The following CPXM2 variants were observed in gnomAD, a reference collection of about 807,000 sequenced individuals.
CPXM2 encodes the protein inactive carboxypeptidase-like protein X2.
Under a neutral mutation model 86.1 loss-of-function variants are expected in CPXM2, and 66 were observed. The ratio of observed to expected loss-of-function variants is 0.77; its 90% CI spans 0.63 to 0.94. The LOEUF (loss-of-function observed/expected upper bound fraction) is 0.94. CPXM2 is among the 40% of genes least tolerant of loss of function. CPXM2 has a pLI of 0.00. For synonymous variants in CPXM2, 388 were observed against 400.2 expected (o/e 0.97, Z 0.36); for missense variants, 948 against 1,026.3 (o/e 0.92, Z 1.04).
intron 4 of CPXM2, among the ~76,000 whole-genome samples, chr10:123,810,616 C>T (rs56735552): frequency 0.028 from 4,327 of 152,090 alleles, 197 homozygotes; most frequent in African/African-American, 0.099. Flanking sequence ...GGTACTTACA[C>T]TTACAAATAA....
chr10:123,898,239 C>T (rs897138613), intron 2 of CPXM2, among the ~76,000 whole-genome samples: 10 of 152,056 alleles, frequency 6.6e-5, no homozygotes, highest in Non-Finnish European at 1.3e-4. Flanking sequence ...AATAGAGAAC[C>T]TGAACAGACC....
chr10:123,866,030 A>G (rs1274948975), intron 2 of CPXM2, among the ~76,000 whole-genome samples: 3 of 151,762 alleles, frequency 2.0e-5, no homozygotes, highest in Non-Finnish European at 4.4e-5. Context: ...TTTCCATCAC[A>G]CAATGTTCTG....
intron 6 of CPXM2, among the ~76,000 whole-genome samples, chr10:123,781,703 C>A (rs186674967): frequency 6.6e-6 from 1 of 152,182 alleles, no homozygotes; most frequent in African/African-American, 2.4e-5. Flanking sequence ...GTCCACAGAC[C>A]AGTAGCATTG....
At chr10:123,870,560 A>G (rs77003248) in intron 2 of CPXM2, among the ~76,000 whole-genome samples, 6,175 of 152,296 alleles carry the variant, frequency 0.041, 172 homozygotes, top group East Asian at 0.11. Context: ...GCTTCCCAGC[A>G]CACTGAAAAT....
intron 4 of CPXM2, among the ~76,000 whole-genome samples, chr10:123,800,981 C>T (rs1482943363): frequency 2.0e-5 from 3 of 152,192 alleles, no homozygotes; most frequent in Admixed American, 6.5e-5. Flanking sequence ...TACACTCTGA[C>T]GTGACAGTCC....
chr10:123,846,841 G>C (rs549903744), intron 3 of CPXM2, among the ~76,000 whole-genome samples: 11 of 152,180 alleles, frequency 7.2e-5, no homozygotes, highest in African/African-American at 2.7e-4. Context: ...AGATGTGGCT[G>C]CATAAAAAAT....
intron 13 of CPXM2, among the ~76,000 whole-genome samples, chr10:123,749,545 C>T (rs151054967): frequency 9.9e-5 from 15 of 152,270 alleles, no homozygotes; most frequent in Admixed American, 2.6e-4. Context: ...GGCCACATGG[C>T]GATGAAATCC....
chr10:123,809,383 CA>C (rs1847643791), intron 4 of CPXM2, among the ~76,000 whole-genome samples: 1 of 151,890 alleles, frequency 6.6e-6, no homozygotes, highest in Non-Finnish European at 1.5e-5. Context: ...TTGTGAAGAA[CA>C]AAAAAGAAAT....
chr10:123,748,536 T>G (rs1345603872), intron 13 of CPXM2, among the ~76,000 whole-genome samples: 1 of 152,014 alleles, frequency 6.6e-6, no homozygotes, highest in Non-Finnish European at 1.5e-5. Context: ...GGAAATGAAA[T>G]GTGGAGGCAG....
upstream of CPXM2, among the ~76,000 whole-genome samples, chr10:123,943,134 A>G (rs9733668): frequency 0.84 from 127,067 of 152,146 alleles, 53,636 homozygotes; most frequent in East Asian, 0.98. Flanking sequence ...TTCTCAAAAC[A>G]TATCCCATAG....
chr10:123,754,846 C>CT lies in CPXM2; in HGVS notation c.1918-85_1918-84insA. 1.3e-6 allele frequency: 1 copy of CT among 779,918 alleles called. No individual in the cohort carries two copies. The highest frequency in any genetic ancestry group is 2.3e-6 in the Non-Finnish European group (1 of 435,290). 48.3% of individuals were successfully genotyped at this position (779,918 alleles called of 1,614,324 possible). Reference sequence around the variant, plus strand: ...CACAACAGAGTGGGCTGTCAACCCACCATTGGCCGGTTCCCACCAAGAACT... The same window carrying CT: ...CACAACAGAGTGGGCTGTCAACCCACTCATTGGCCGGTTCCCACCAAGAACT... On this transcript the variant is annotated intron_variant, in intron 12 of 13. Coordinates refer to ENST00000241305, the MANE Select transcript of CPXM2 (RefSeq NM_198148.3). The surrounding 1 kb of genome is among the most constrained non-coding windows in gnomAD (Gnocchi z 4.0).
At position 123,754,849 on chromosome 10, in the gene CPXM2, T is replaced by C. The variant is rs1171440162; in HGVS notation, c.1918-87A>G. On this transcript the variant is annotated intron_variant, in intron 12 of 13. Coordinates refer to ENST00000241305, the MANE Select transcript of CPXM2 (RefSeq NM_198148.3). This position sits in a 1 kb window ranked among gnomAD's most constrained non-coding sequence, Gnocchi z 4.0. ...AACAGAGTGGGCTGTCAACCCACCA[T>C]TGGCCGGTTCCCACCAAGAACTCAC... The C allele has an allele frequency of 5.2e-6, 4 of 771,940 alleles. No individual in the cohort carries two copies. The highest frequency in any genetic ancestry group is 1.5e-5 in the South Asian group (1 of 68,280). 47.8% of individuals were successfully genotyped at this position (771,940 alleles called of 1,614,324 possible).
chr10:123,892,099 G>A (rs1353610060), upstream of CPXM2: 1 of 152,298 alleles, frequency 6.6e-6, no homozygotes, highest in Non-Finnish European at 1.5e-5. Flanking sequence ...TTTACAGGTG[G>A]AGAAACGTGA....
intron 13 of CPXM2, among the ~76,000 whole-genome samples, chr10:123,748,765 G>A (rs867251277): frequency 7.9e-5 from 12 of 151,990 alleles, no homozygotes; most frequent in Admixed American, 3.3e-4. Context: ...CAGGTGACTC[G>A]AGCCTCGCAG....
chr10:123,821,114 G>C (rs969137310), intron 4 of CPXM2, among the ~76,000 whole-genome samples: 2 of 152,078 alleles, frequency 1.3e-5, no homozygotes, highest in Admixed American at 1.3e-4. Flanking sequence ...GTCCCAACAG[G>C]ACAAAACAAT....
At chr10:123,911,213 T>G (rs963837116) in intron 2 of CPXM2, among the ~76,000 whole-genome samples, 1 of 152,226 alleles carries the variant, frequency 6.6e-6, no homozygotes. Flanking sequence ...TTGATCTATC[T>G]AGTTTTGTGA....
chr10:123,941,751 G>C (rs1170460675), upstream of CPXM2, among the ~76,000 whole-genome samples: 1 of 152,198 alleles, frequency 6.6e-6, no homozygotes, highest in African/African-American at 2.4e-5. Context: ...GCCTTTGGGG[G>C]TGCTTTGAAG....
chr10:123,802,031 T>C (rs1991398), intron 4 of CPXM2, among the ~76,000 whole-genome samples: 2 of 152,142 alleles, frequency 1.3e-5, no homozygotes, highest in African/African-American at 4.8e-5. Flanking sequence ...CGTATAAGCA[T>C]CTCACAGATG....
intron 1 of CPXM2, among the ~76,000 whole-genome samples, chr10:123,882,382 G>A (rs1355931524): frequency 6.6e-6 from 1 of 152,174 alleles, no homozygotes; most frequent in Non-Finnish European, 1.5e-5. Flanking sequence ...TCTGTGGGCG[G>A]GAACATCCCG....
Sources: allele counts gnomAD v4.1 joint callset (sites outside exome capture counted in the v4.1 genomes callset), GRCh38; gene constraint gnomAD v4.1.1; non-coding constraint Gnocchi (gnomAD v3.1); transcripts MANE v1.5; gene names NCBI Gene and HGNC (gene_info 2026-07-23, HGNC 2026-07-21).